TLK2: variants seen among roughly 807,000 people sequenced by gnomAD.
TLK2 encodes serine/threonine-protein kinase tousled-like 2.
TLK2 carries 6 observed loss-of-function variants against 117.3 expected under a neutral mutation model. The ratio of observed to expected loss-of-function variants is 0.05; its 90% CI spans 0.03 to 0.10. The LOEUF (loss-of-function observed/expected upper bound fraction) is 0.10. TLK2 is among the 10% of genes least tolerant of loss of function. The pLI, the probability that TLK2 is intolerant of heterozygous loss-of-function variation, is 1.00. For missense variants in TLK2, 299 were observed against 901.2 expected (o/e 0.33, Z 8.56); for synonymous variants, 257 against 316.7 (o/e 0.81, Z 2.00).
At chr17:62,537,618 C>T (rs574812460) in intron 7 of TLK2, among the ~76,000 whole-genome samples, 1 of 152,292 alleles carries the variant, frequency 6.6e-6, no homozygotes, top group East Asian at 1.9e-4. Context: ...GGTCTGGTTT[C>T]TGCTTGCACC....
intron 15 of TLK2, among the ~76,000 whole-genome samples, chr17:62,580,471 T>C (rs555623306): frequency 6.6e-6 from 1 of 152,188 alleles, no homozygotes; most frequent in Non-Finnish European, 1.5e-5. Context: ...TTATTCTGGT[T>C]CTGTACTTCC....
chr17:62,544,022 A>G (rs1216015501), intron 7 of TLK2, among the ~76,000 whole-genome samples: 1 of 152,080 alleles, frequency 6.6e-6, no homozygotes, highest in Admixed American at 6.6e-5. Context: ...ATGAGGAAGG[A>G]GTTCCAACTT....
intron 6 of TLK2, among the ~76,000 whole-genome samples, chr17:62,529,323 G>A (rs1253132536): frequency 6.6e-6 from 1 of 151,978 alleles, no homozygotes; most frequent in Admixed American, 6.6e-5. Flanking sequence ...TACAACCTCC[G>A]CCTCCTGGGT....
intron 13 of TLK2, among the ~76,000 whole-genome samples, chr17:62,578,031 C>T (rs984033779): frequency 6.6e-6 from 1 of 152,118 alleles, no homozygotes; most frequent in African/African-American, 2.4e-5. Context: ...TGGGTGACAA[C>T]AGCGAAACTC....
chr17:62,529,132 C>T (rs28653414), intron 6 of TLK2, among the ~76,000 whole-genome samples: 268 of 152,210 alleles, frequency 1.8e-3, no homozygotes, highest in African/African-American at 5.3e-3. Flanking sequence ...TTGTATCTCT[C>T]GCTGTGATTG....
intron 6 of TLK2, among the ~76,000 whole-genome samples, chr17:62,527,903 C>T (rs1280357113): frequency 6.6e-6 from 1 of 151,854 alleles, no homozygotes; most frequent in East Asian, 1.9e-4. Flanking sequence ...CCACCACGCC[C>T]AGCTAATTTT....
intron 2 of TLK2, among the ~76,000 whole-genome samples, chr17:62,495,863 C>T (rs1464667016): frequency 2.0e-5 from 3 of 151,556 alleles, no homozygotes; most frequent in South Asian, 4.2e-4. Flanking sequence ...GGGGTTTCAC[C>T]ATGTTGCCCA....
At position 62,612,730 on chromosome 17, in the gene TLK2, C is replaced by T; in HGVS notation, c.*165C>T. ...TCCATAGAGCATGACAGCATCGATT[C>T]TCATTGAGGAGAAACCTTGGGCAGC... On this transcript the variant is annotated 3_prime_UTR_variant, in exon 22 of 22. Transcript: ENST00000346027. 1.6e-6 allele frequency: 1 copy of T among 624,288 alleles called. No homozygotes were observed. The highest frequency in any genetic ancestry group is 3.0e-5 in the South Asian group (1 of 33,888). The allele number at this position is 624,288 out of a possible 1,614,324, so 38.7% of individuals were successfully genotyped here.
chr17:62,516,790 G>A (rs2145416418), intron 2 of TLK2: 2 of 1,420,524 alleles, frequency 1.4e-6, no homozygotes, highest in Admixed American at 3.8e-5. Context: ...AGGGTCCGGG[G>A]CCGGGGCTGG....
chr17:62,516,496 G>A, intron 2 of TLK2: 1 of 1,607,032 alleles, frequency 6.2e-7, no homozygotes, highest in Non-Finnish European at 8.5e-7. Flanking sequence ...TAGGGTGGCA[G>A]GCACAATCTC....
chr17:62,556,036 T>C (rs1225303595), intron 9 of TLK2, among the ~76,000 whole-genome samples: 2 of 152,184 alleles, frequency 1.3e-5, no homozygotes, highest in African/African-American at 4.8e-5. Flanking sequence ...TGCCTCTGCC[T>C]CCCAAGTAGC....
intron 2 of TLK2, among the ~76,000 whole-genome samples, chr17:62,503,574 A>C (rs2074402537): frequency 2.0e-5 from 3 of 151,270 alleles, no homozygotes; most frequent in African/African-American, 7.3e-5. Flanking sequence ...TTGTGCCACC[A>C]TGTCTGGCTA....
chr17:62,544,679 G>A (rs762791195), intron 7 of TLK2, among the ~76,000 whole-genome samples: 4 of 152,192 alleles, frequency 2.6e-5, no homozygotes, highest in African/African-American at 4.8e-5. Flanking sequence ...GATTGTATTG[G>A]CTGTTTGGGA....
At chr17:62,499,941 T>G (rs796431800) in intron 2 of TLK2, among the ~76,000 whole-genome samples, 1 of 152,172 alleles carries the variant, frequency 6.6e-6, no homozygotes. Context: ...AATAAAAGAT[T>G]AGAACAAAAT....
chr17:62,612,713 G>GCAT lies in TLK2; in HGVS notation c.*149_*151dup. On this transcript the variant is annotated 3_prime_UTR_variant, in exon 22 of 22. Coordinates refer to ENST00000346027, the MANE Select transcript of TLK2 (RefSeq NM_006852.6). ...TTCTTGCTTTTTTCCCATCCATAGA[G>GCAT]CATGACAGCATCGATTCTCATTGAG... The GCAT allele has an allele frequency of 1.4e-6, 1 of 734,632 alleles. No individual in the cohort carries two copies. The highest frequency in any genetic ancestry group is 2.0e-6 in the Non-Finnish European group (1 of 490,498). 45.5% of individuals were successfully genotyped at this position (734,632 alleles called of 1,614,324 possible).
chr17:62,560,879 A>G (rs1217446076), intron 10 of TLK2, among the ~76,000 whole-genome samples: 1 of 151,888 alleles, frequency 6.6e-6, no homozygotes, highest in Non-Finnish European at 1.5e-5. Flanking sequence ...CACAACATGC[A>G]GGTTAGTTAC....
At chr17:62,545,616 C>CA (rs932366027) in intron 7 of TLK2, among the ~76,000 whole-genome samples, 7 of 150,758 alleles carry the variant, frequency 4.6e-5, no homozygotes, top group Non-Finnish European at 1.0e-4. Context: ...GAGACTGTCT[C>CA]AAAAAAAAGA....
At chr17:62,475,930 G>A (rs2071032808), upstream of TLK2, among the ~76,000 whole-genome samples, 1 of 151,994 alleles carries the variant, frequency 6.6e-6, no homozygotes, top group African/African-American at 2.4e-5. Context: ...AAAATGCTGT[G>A]ATTACAGGCG....
rs994864014 is a variant in TLK2, at chr17:62,615,453, G to A, written c.*2888G>A. The A allele has an allele frequency of 6.6e-6, 1 of 152,206 alleles. No homozygotes were observed. Among genetic ancestry groups the A allele is most frequent in the African/African-American group, 2.4e-5 (1 of 41,452 alleles). 9.4% of individuals were successfully genotyped at this position (152,206 alleles called of 1,614,324 possible). A position where few individuals can be genotyped will look rare whatever the true frequency, so the allele number is the denominator to read the frequency against. ...CCCAATGGGGTGGGGGAGGGAAGAA[G>A]GATATTAAAATAAGTTTTAAGAAGC... On this transcript the variant is annotated 3_prime_UTR_variant, in exon 22 of 22. Transcript: ENST00000346027.
Sources: gnomAD v4.1 joint callset for allele counts (sites outside exome capture counted in the v4.1 genomes callset) on GRCh38, gnomAD v4.1.1 for gene constraint, MANE v1.5 for transcripts, NCBI Gene and HGNC (gene_info 2026-07-23, HGNC 2026-07-21) for gene names.